The following NLRP9 variants were observed in gnomAD, a reference collection of about 807,000 sequenced individuals.
The protein encoded by NLRP9 is NLR family pyrin domain containing 9.
In NLRP9, 88 loss-of-function variants were observed where a neutral mutation model predicts 83.1. The ratio of observed to expected loss-of-function variants is 1.06; its 90% confidence interval spans 0.89 to 1.26. The LOEUF is 1.26. Among genes scored for constraint, NLRP9 ranks in the 50% most tolerant of loss-of-function variants. NLRP9 has a pLI of 0.00. For missense variants in NLRP9, 1,308 were observed against 1,179.3 expected (o/e 1.11, Z -1.60); for synonymous variants, 521 against 447.6 (o/e 1.16, Z -2.07).
chr19:55,729,206 A>G lies in NLRP9; in HGVS notation c.1994+625T>C, dbSNP rs147541994. 9.1e-3 allele frequency among the ~76,000 whole-genome samples: 1,366 copies of G among 150,642 alleles called. 18 individuals are homozygous for G. Among genetic ancestry groups the G allele is most frequent in the African/African-American group, 0.031 (1,284 of 40,842 alleles). On this transcript the variant is annotated intron_variant, in intron 3 of 8. Transcript: ENST00000332836. ...GGACTGCTCGCTCTCTGGCCCTCCA[A>G]CTAGATTTCATTTTACATGTCACTA...
At chr19:55,728,286 C>T (rs1371963933) in intron 3 of NLRP9, among the ~76,000 whole-genome samples, 2 of 152,178 alleles carry the variant, frequency 1.3e-5, no homozygotes, top group African/African-American at 4.8e-5. Context: ...AGTTTCAAGA[C>T]ATCAGCCAGG....
chr19:55,716,740 A>G lies in NLRP9; in HGVS notation c.2318T>C (p.Leu773Pro). The change falls in exon 5 of 9, where the codon CTG becomes CCG. Residue 773 changes from leucine to proline, a missense_variant. Physicochemically the swap from Leu to Pro is moderately conservative, Grantham distance 98. Transcript: ENST00000332836. Reference sequence around the variant, plus strand: ...CAGACCAACTTACATCAGCCTCTCCAGGGCACAGTGTGAGTGCTTCAGGGC... The same window carrying G: ...CAGACCAACTTACATCAGCCTCTCCGGGGCACAGTGTGAGTGCTTCAGGGC... The part of the protein sequence containing the change: ...CEALKHSHCA[L>P]ERLMLMYCCL... 2 of 1,613,716 alleles carry G rather than the reference A, an allele frequency of 1.2e-6. No individual in the cohort carries two copies. Among genetic ancestry groups the G allele is most frequent in the Non-Finnish European group, 1.7e-6 (2 of 1,179,794 alleles).
chr19:55,717,339 C>T (rs1010259452), intron 4 of NLRP9, among the ~76,000 whole-genome samples: 12 of 152,140 alleles, frequency 7.9e-5, no homozygotes, highest in African/African-American at 2.9e-4. Context: ...GGCCACATTA[C>T]AAACTTTTAA....
chr19:55,724,009 T>G lies in NLRP9; in HGVS notation c.2130A>C (p.Lys710Asn). 1.2e-6 allele frequency: 2 copies of G among 1,614,014 alleles called. No homozygotes were observed. Among genetic ancestry groups the G allele is most frequent in the Non-Finnish European group, 1.7e-6 (2 of 1,179,968 alleles). ...GCTCTTCTATCTTGCACATTGGATG[T>G]TTCAGCGTCTCACACAGGTGTCTGA... ...SDIRHLCETL[K>N]HPMCKIEELI... Residue 710 changes from lysine to asparagine, a missense_variant, in exon 4 of 9, where the codon AAA becomes AAC. Physicochemically the swap from Lys to Asn is moderately conservative, Grantham distance 94. Coordinates refer to ENST00000332836, the MANE Select transcript of NLRP9 (RefSeq NM_176820.4).
At position 55,730,001 on chromosome 19, in the gene NLRP9, G is replaced by A; in HGVS notation, c.1833-9C>T. On this transcript the variant is annotated splice_polypyrimidine_tract_variant and intron_variant, in intron 2 of 8. Transcript: ENST00000332836. Reference sequence around the variant, plus strand: ...CGAGCTTCTCATTGTAACTATGAGAGAACAAAGATTGTGATTCTCCAGTGG... The same window carrying A: ...CGAGCTTCTCATTGTAACTATGAGAAAACAAAGATTGTGATTCTCCAGTGG... 6.2e-7 allele frequency: 1 copy of A among 1,606,140 alleles called. No homozygotes were observed. The highest frequency in any genetic ancestry group is 8.5e-7 in the Non-Finnish European group (1 of 1,175,708).
chr19:55,718,167 CCAGGGA>C (rs1441215260), intron 4 of NLRP9, among the ~76,000 whole-genome samples: 1 of 152,160 alleles, frequency 6.6e-6, no homozygotes, highest in African/African-American at 2.4e-5. Context: ...TCTCGATTAA[CCAGGGA>C]CACAATGCAC....
intron 1 of NLRP9, among the ~76,000 whole-genome samples, chr19:55,734,914 C>G (rs554671291): frequency 6.6e-6 from 1 of 152,126 alleles, no homozygotes; most frequent in South Asian, 2.1e-4. Context: ...GGATTACAGG[C>G]GTAAGCCACC....
chr19:55,709,046 T>C lies in NLRP9; in HGVS notation c.2844-2A>G. The C allele has an allele frequency of 6.4e-7, 1 of 1,557,810 alleles. No homozygotes were observed. The highest frequency in any genetic ancestry group is 2.3e-5 in the Admixed American group (1 of 43,954). ...TCATCAAAGCCAGATTTGTGCAGCCTGGGAAAATAGAAATAAAGTTTTTTT... is the reference window on the plus strand; with the variant it reads ...TCATCAAAGCCAGATTTGTGCAGCCCGGGAAAATAGAAATAAAGTTTTTTT... On this transcript the variant is annotated splice_acceptor_variant, in intron 8 of 8. Coordinates refer to ENST00000332836, the MANE Select transcript of NLRP9 (RefSeq NM_176820.4). LOFTEE classifies it high-confidence loss of function.
intron 4 of NLRP9, 62 bp from the exon 5 acceptor site, chr19:55,716,960 CCA>C: frequency 7.2e-7 from 1 of 1,396,902 alleles, no homozygotes; most frequent in Non-Finnish European, 1.0e-6. Context: ...GAAACATTAT[CCA>C]CAGACCAAAC....
In NLRP9 at chr19:55,724,066, G is replaced by A. The variant is rs1172176135; in HGVS notation, c.2073C>T (p.Ser691=). The change falls in exon 4 of 9, where the codon AGC becomes AGT. Residue 691 remains serine (S), a synonymous_variant. Transcript: ENST00000332836. The part of the protein sequence containing the change: ...VLHNPHLKLL[S]LYGTSLSQSD... The stretch of plus-strand genomic sequence containing the variant: ...ACTGGGAGAGGCTAGTGCCGTACAG[G>A]CTCAGAAGTTTCAGATGAGGGTTGT... 1.9e-6 allele frequency: 3 copies of A among 1,613,260 alleles called. No individual in the cohort carries two copies. The highest frequency in any genetic ancestry group is 1.7e-5 in the Admixed American group (1 of 59,994).
At chr19:55,731,949 G>A (rs181006075) in intron 2 of NLRP9, 50 bp downstream of exon 2, 127 of 1,244,612 alleles carry the variant, frequency 1.0e-4, no homozygotes, top group Admixed American at 4.2e-4. Flanking sequence ...GGCCACTAGA[G>A]CAAACTCCAA....
At chr19:55,715,684 C>T (rs897155461) in intron 5 of NLRP9, among the ~76,000 whole-genome samples, 1 of 151,210 alleles carries the variant, frequency 6.6e-6, no homozygotes, top group Non-Finnish European at 1.5e-5. Context: ...AACTCCGTCT[C>T]AAAAAAAAGA....
At chr19:55,738,029 T>C in intron 1 of NLRP9, 66 bp downstream of exon 1, 2 of 1,476,198 alleles carry the variant, frequency 1.4e-6, no homozygotes, top group Admixed American at 3.4e-5. Context: ...GCCACTCATT[T>C]AACAATGCTA....
intron 3 of NLRP9, among the ~76,000 whole-genome samples, chr19:55,727,247 C>CA (rs1204688725): frequency 6.6e-6 from 1 of 151,714 alleles, no homozygotes; most frequent in Non-Finnish European, 1.5e-5. Context: ...GACTCCATCT[C>CA]AAAAAAAGTT....
At chr19:55,737,630 TG>T (rs1366715016) in intron 1 of NLRP9, 1 of 163,486 alleles carries the variant, frequency 6.1e-6, no homozygotes, top group African/African-American at 2.4e-5. Flanking sequence ...TTAGGCATGG[TG>T]GCTCACTCCT....
At chr19:55,709,913 ATTCTC>A (rs1291238236) in intron 8 of NLRP9, 1 of 152,124 alleles carries the variant, frequency 6.6e-6, no homozygotes, top group East Asian at 1.9e-4. Flanking sequence ...AACATTTGCA[ATTCTC>A]TTCTCCCCTC....
At chr19:55,715,945 T>C (rs1199624617) in intron 5 of NLRP9, among the ~76,000 whole-genome samples, 10 of 152,222 alleles carry the variant, frequency 6.6e-5, no homozygotes, top group African/African-American at 4.8e-5. Context: ...GTTAAAAGAA[T>C]AGATTTTAAG....
At chr19:55,716,672 G>C (rs1988025805) in intron 5 of NLRP9, 56 bp downstream of exon 5, 6 of 1,446,608 alleles carry the variant, frequency 4.1e-6, no homozygotes, top group Non-Finnish European at 5.8e-6. Flanking sequence ...GATAATGGGT[G>C]GATCCAGGTG....
intron 6 of NLRP9, among the ~76,000 whole-genome samples, chr19:55,714,758 G>C (rs2122288542): frequency 6.6e-6 from 1 of 152,198 alleles, no homozygotes; most frequent in East Asian, 1.9e-4. Flanking sequence ...TGTCTGGCGA[G>C]GGCCACGTTC....
Sources: gnomAD v4.1 joint callset for allele counts (sites outside exome capture counted in the v4.1 genomes callset) on GRCh38, gnomAD v4.1.1 for gene constraint, MANE v1.5 for transcripts, NCBI Gene and HGNC (gene_info 2026-07-23, HGNC 2026-07-21) for gene names.